LAMC3: variants seen among roughly 807,000 people sequenced by gnomAD.
The protein encoded by LAMC3 is laminin subunit gamma-3.
In LAMC3, 128 loss-of-function variants were observed where a neutral mutation model predicts 173.8. That is an observed-to-expected ratio of 0.74 (90% CI 0.64 to 0.85). The LOEUF (loss-of-function observed/expected upper bound fraction) is 0.85. LAMC3 is among the 40% of genes least tolerant of loss of function. The probability of loss-of-function intolerance (pLI) is 0.00; values close to 1 mark genes in which losing one functional copy is unlikely to be tolerated. For synonymous variants in LAMC3, 897 were observed against 909.1 expected, an observed-to-expected ratio of 0.99 and a Z score of 0.24; for missense variants, 2,022 against 2,156.0, an observed-to-expected ratio of 0.94 and a Z score of 1.23.
intron 8 of LAMC3, among the ~76,000 whole-genome samples, 179 bp downstream of exon 8, chr9:131,045,839 C>T (rs932321773): frequency 3.3e-5 from 5 of 152,210 alleles, no homozygotes; most frequent in African/African-American, 7.2e-5. Context: ...CCTGCGACCC[C>T]CAGCTCCCTC....
chr9:131,044,935 T>TA (rs1355929128), intron 7 of LAMC3, among the ~76,000 whole-genome samples: 1 of 152,064 alleles, frequency 6.6e-6, no homozygotes, highest in Non-Finnish European at 1.5e-5. Flanking sequence ...GAAATCCTAT[T>TA]AAAGTCGCTG....
rs1329135023 is a variant in LAMC3, at chr9:131,054,262, A to G, written c.1939+1297A>G. On this transcript the variant is annotated intron_variant, in intron 11 of 27. Transcript: ENST00000361069. Reference sequence around the variant, plus strand: ...TGCTCTTTTTGAGGACCTCTGGCTCAGAGGGTCAGTCTTCCCCTGGGCCTC... The same window carrying G: ...TGCTCTTTTTGAGGACCTCTGGCTCGGAGGGTCAGTCTTCCCCTGGGCCTC... Among the ~76,000 whole-genome samples the G allele has an allele frequency of 2.0e-5, 3 of 152,076 alleles. No individual in the cohort carries two copies. The East Asian group carries it at 5.8e-4, about 29-fold the overall frequency.
chr9:131,048,024 G>A (rs1834205163), intron 8 of LAMC3, among the ~76,000 whole-genome samples: 1 of 146,138 alleles, frequency 6.8e-6, no homozygotes, highest in Non-Finnish European at 1.5e-5. Context: ...AGGATTATAG[G>A]TGTGAGCCAC....
intron 4 of LAMC3, among the ~76,000 whole-genome samples, 190 bp downstream of exon 4, chr9:131,036,522 C>A (rs1203734059): frequency 6.6e-6 from 1 of 152,082 alleles, no homozygotes; most frequent in African/African-American, 2.4e-5. Flanking sequence ...ATTTAAGCCT[C>A]AGTCTCTCCT....
chr9:131,053,556 C>T (rs1834339888), intron 11 of LAMC3, among the ~76,000 whole-genome samples: 1 of 152,158 alleles, frequency 6.6e-6, no homozygotes, highest in Admixed American at 6.5e-5. Flanking sequence ...CAATATAGGT[C>T]GGGCGCAGAA....
intron 3 of LAMC3, among the ~76,000 whole-genome samples, chr9:131,032,723 C>T (rs910027319): frequency 1.2e-4 from 18 of 152,156 alleles, no homozygotes; most frequent in African/African-American, 3.6e-4. Context: ...GGCTGGAGTG[C>T]AGTGGTGCAA....
At position 131,056,971 on chromosome 9, in the gene LAMC3, C is replaced by T. The variant is rs1168128328; in HGVS notation, c.1982C>T (p.Pro661Leu). Residue 661 changes from proline (P) to leucine (L), a missense_variant, in exon 12 of 28, where the codon CCA (proline) becomes CTA (leucine). Physicochemically the swap from Pro to Leu is moderately conservative, Grantham distance 98 (BLOSUM62 -3). Coordinates refer to ENST00000361069, the MANE Select transcript of LAMC3 (RefSeq NM_006059.4). Reference sequence around the variant, plus strand: ...GAGGTCCGGCTCACATCCGCCCGGCCAGGGCTTTCCCCGCCAGCCTCCTGG... The same window carrying T: ...GAGGTCCGGCTCACATCCGCCCGGCTAGGGCTTTCCCCGCCAGCCTCCTGG... ...LTEVRLTSAR[P>L]GLSPPASWVE... 6.2e-7 allele frequency: 1 copy of T among 1,613,916 alleles called. No homozygotes were observed. The highest frequency in any genetic ancestry group is 1.1e-5 in the South Asian group (1 of 91,082).
chr9:131,048,903 C>A (rs886560039), intron 8 of LAMC3, 117 bp from the exon 9 acceptor site: 1 of 630,852 alleles, frequency 1.6e-6, no homozygotes, highest in African/African-American at 1.8e-5. Flanking sequence ...GGTCCCTGAG[C>A]TTTCTAGCTT....
intron 21 of LAMC3, 58 bp from the exon 22 acceptor site, chr9:131,077,129 G>C: frequency 6.2e-7 from 1 of 1,607,510 alleles, no homozygotes; most frequent in Non-Finnish European, 8.5e-7. Flanking sequence ...CTGGGGCCCA[G>C]ACAGGGATGG....
intron 24 of LAMC3, among the ~76,000 whole-genome samples, 183 bp downstream of exon 24, chr9:131,082,344 T>C (rs1830256371): frequency 6.6e-6 from 1 of 152,176 alleles, no homozygotes; most frequent in East Asian, 1.9e-4. Context: ...ATCACTCACC[T>C]CGGACTTGCC....
Position 131,029,412 on chromosome 9 carries a change from C to T in LAMC3, c.679-2633C>T, listed in dbSNP as rs1248396385. On this transcript the variant is annotated intron_variant, in intron 2 of 27. Transcript: ENST00000361069. This position sits in a 1 kb window ranked among gnomAD's most constrained non-coding sequence, Gnocchi z 4.6. ...GAGGGCCGGCCCCCGCTCCCACCTGCGTCTGTGCAGCCACCACCGTGGGGA... is the reference window on the plus strand; with the variant it reads ...GAGGGCCGGCCCCCGCTCCCACCTGTGTCTGTGCAGCCACCACCGTGGGGA... Among the ~76,000 whole-genome samples the T allele has an allele frequency of 2.0e-5, 3 of 152,200 alleles. No homozygotes were observed. Among genetic ancestry groups the T allele is most frequent in the African/African-American group, 7.2e-5 (3 of 41,450 alleles).
At chr9:131,085,771 G>T (rs1588171076) in intron 25 of LAMC3, 48 bp downstream of exon 25, 1 of 1,583,666 alleles carries the variant, frequency 6.3e-7, no homozygotes, top group East Asian at 2.2e-5. Flanking sequence ...CTCCCGGGGG[G>T]ACCGCCCTTC....
intron 23 of LAMC3, among the ~76,000 whole-genome samples, chr9:131,080,970 G>A (rs912961697): frequency 2.6e-5 from 4 of 152,294 alleles, no homozygotes; most frequent in East Asian, 1.9e-4. Flanking sequence ...GCTTTAGCAC[G>A]TTCACGATGT....
intron 3 of LAMC3, among the ~76,000 whole-genome samples, chr9:131,035,685 T>A (rs962023450): frequency 6.6e-6 from 1 of 152,148 alleles, no homozygotes; most frequent in Admixed American, 6.5e-5. Context: ...CTGTTTGGGG[T>A]ACCTTCTTTC....
rs147088114 is a variant in LAMC3 at position 131,071,538 on chromosome 9, G to A, written c.3124G>A (p.Asp1042Asn). ...GACGGAGGGGTGGCTCCAAGGGTCC[G>A]ACTGTGGCAGTCCCTGGGGACCACT... ...TLTEGWLQGS[D>N]CGSPWGPLDI... is the part of the protein sequence containing the mutation. The change falls in exon 18 of 28, where the codon GAC (aspartate) becomes AAC (asparagine). Residue 1042 changes from aspartate to asparagine, a missense_variant. Asp to Asn is a conservative substitution (Grantham distance 23). Coordinates refer to ENST00000361069, the MANE Select transcript of LAMC3 (RefSeq NM_006059.4). 3.2e-4 allele frequency: 512 copies of A among 1,613,572 alleles called. No homozygotes were observed. The highest frequency in any genetic ancestry group is 4.1e-4 in the Non-Finnish European group (489 of 1,179,798).
chr9:131,069,090 G>T (rs1829994542), intron 16 of LAMC3, 40 bp downstream of exon 16: 1 of 1,609,206 alleles, frequency 6.2e-7, no homozygotes, highest in Admixed American at 1.7e-5. Flanking sequence ...CCTGAGGGTG[G>T]GGCCCGAGGG....
intron 17 of LAMC3, among the ~76,000 whole-genome samples, chr9:131,070,147 C>T (rs1196564669): frequency 6.6e-6 from 1 of 152,216 alleles, no homozygotes; most frequent in Non-Finnish European, 1.5e-5. Context: ...GATGAGACCA[C>T]AGATGACCCC....
At chr9:131,017,917 C>A in intron 1 of LAMC3, among the ~76,000 whole-genome samples, 1 of 150,784 alleles carries the variant, frequency 6.6e-6, no homozygotes, top group East Asian at 2.0e-4. Flanking sequence ...TCCCAGCTAC[C>A]CAGGAGTCTG....
chr9:131,076,822 A>C (rs544235646), intron 21 of LAMC3, among the ~76,000 whole-genome samples: 1 of 152,350 alleles, frequency 6.6e-6, no homozygotes, highest in Non-Finnish European at 1.5e-5. Context: ...AGCCAGGACC[A>C]GGACCGGGGC....
Sources: allele counts gnomAD v4.1 joint callset (sites outside exome capture counted in the v4.1 genomes callset), GRCh38; gene constraint gnomAD v4.1.1; non-coding constraint Gnocchi (gnomAD v3.1); transcripts MANE v1.5; gene names NCBI Gene and HGNC (gene_info 2026-07-23, HGNC 2026-07-21).